Variants in ARMC9 observed in about 807,000 individuals in gnomAD.
ARMC9 encodes the protein armadillo repeat containing 9.
In ARMC9, 94 loss-of-function variants were observed where a neutral mutation model predicts 107.0. The observed-to-expected ratio is 0.88, with a 90% CI of 0.74 to 1.04. The LOEUF is 1.04. Ranked by LOEUF, ARMC9 falls within the 50% of genes least tolerant of loss-of-function variation. ARMC9 has a pLI of 0.00. For synonymous variants in ARMC9, 380 were observed against 396.9 expected (o/e 0.96, Z 0.51); for missense variants, 942 against 1,030.1 (o/e 0.91, Z 1.17).
chr2:231,242,418 G>A (rs759024222), intron 9 of ARMC9, among the ~76,000 whole-genome samples: 11 of 152,172 alleles, frequency 7.2e-5, no homozygotes, highest in Non-Finnish European at 1.6e-4. Flanking sequence ...TGATTTTAGT[G>A]TGCCAAAATC....
intron 21 of ARMC9, among the ~76,000 whole-genome samples, chr2:231,346,280 G>A (rs558601380): frequency 8.5e-5 from 13 of 152,146 alleles, no homozygotes; most frequent in African/African-American, 1.4e-4. Flanking sequence ...CCAGCAGTTC[G>A]GGAGGCTGAG....
At chr2:231,235,118 C>T in intron 7 of ARMC9, 106 bp from the exon 8 acceptor site, 2 of 1,259,106 alleles carry the variant, frequency 1.6e-6, no homozygotes, top group South Asian at 3.2e-5. Context: ...TTTATTGTTA[C>T]AAGAAAACAT....
chr2:231,228,796 CT>C (rs953601649), intron 7 of ARMC9, among the ~76,000 whole-genome samples: 4 of 152,086 alleles, frequency 2.6e-5, no homozygotes, highest in Admixed American at 6.6e-5. Context: ...CTGTTCTGAA[CT>C]AGCCTTTGGA....
rs1222506262 is a variant in ARMC9 at position 231,374,704 on chromosome 2, G to T, written c.*3169G>T. On this transcript the variant is annotated 3_prime_UTR_variant, in exon 25 of 25. Coordinates refer to ENST00000611582, the MANE Select transcript of ARMC9 (RefSeq NM_001352754.2). ...CCCTGTACTTGGATGACCCCACCTG[G>T]CTTGTCTAACCCTAATCCCAGCCCC... is the stretch of plus-strand genomic sequence containing the variant. 1 of 152,118 alleles carries T rather than the reference G, an allele frequency of 6.6e-6. No homozygotes were observed. Among genetic ancestry groups the T allele is most frequent in the African/African-American group, 2.4e-5 (1 of 41,432 alleles). The allele number at this position is 152,118 out of a possible 1,614,324, so 9.4% of individuals were successfully genotyped here. A position where few individuals can be genotyped will look rare whatever the true frequency, so the allele number is the denominator to read the frequency against.
At chr2:231,314,341 G>A (rs1188816687) in intron 19 of ARMC9, among the ~76,000 whole-genome samples, 2 of 152,176 alleles carry the variant, frequency 1.3e-5, no homozygotes, top group African/African-American at 2.4e-5. Flanking sequence ...GCCTCCCAAA[G>A]TGCTGGGATT....
chr2:231,227,378 A>G (rs1297932082), intron 7 of ARMC9, among the ~76,000 whole-genome samples: 1 of 152,320 alleles, frequency 6.6e-6, no homozygotes, highest in Middle Eastern at 3.4e-3. Context: ...GGGGCGCTGT[A>G]CCTCAGTTTT....
Position 231,278,366 on chromosome 2 carries a change from G to A in ARMC9, c.1475-16G>A. On this transcript the variant is annotated splice_polypyrimidine_tract_variant and intron_variant, in intron 15 of 24. Coordinates refer to ENST00000611582, the MANE Select transcript of ARMC9 (RefSeq NM_001352754.2). ...GTTTAGACATGTCATGTTTAGCTTTGATTTGTTTCCCATAGGGAAGAACAT... is the reference window on the plus strand; with the variant it reads ...GTTTAGACATGTCATGTTTAGCTTTAATTTGTTTCCCATAGGGAAGAACAT... 1 of 1,613,632 alleles carries A rather than the reference G, an allele frequency of 6.2e-7. No homozygotes were observed. The highest frequency in any genetic ancestry group is 1.3e-5 in the African/African-American group (1 of 75,030).
rs570558731 is a variant in ARMC9, at chr2:231,210,867, C to T, written c.177+2615C>T. On this transcript the variant is annotated intron_variant, in intron 3 of 24. Transcript: ENST00000611582. Reference sequence around the variant, plus strand: ...TGTGAAACAGATCTCTAGAATTTTTCATCTTACAAACCTGAAACTCTGTCC... The same window carrying T: ...TGTGAAACAGATCTCTAGAATTTTTTATCTTACAAACCTGAAACTCTGTCC... 5.9e-5 allele frequency among the ~76,000 whole-genome samples: 9 copies of T among 152,288 alleles called. No individual in the cohort carries two copies. In the South Asian group the frequency reaches 1.9e-3, roughly 32 times the overall value.
intron 19 of ARMC9, among the ~76,000 whole-genome samples, chr2:231,309,654 C>G (rs1259397187): frequency 6.6e-6 from 1 of 151,952 alleles, no homozygotes; most frequent in Non-Finnish European, 1.5e-5. Context: ...TTCGAGGCAT[C>G]TAGGGCATAG....
intron 21 of ARMC9, among the ~76,000 whole-genome samples, chr2:231,347,168 G>A (rs2044849666): frequency 6.6e-6 from 1 of 152,120 alleles, no homozygotes; most frequent in African/African-American, 2.4e-5. Context: ...ATGTGGGGGT[G>A]GCCCCATCAA....
chr2:231,238,540 A>G (rs1399397398), intron 8 of ARMC9, among the ~76,000 whole-genome samples: 1 of 151,972 alleles, frequency 6.6e-6, no homozygotes, highest in Non-Finnish European at 1.5e-5. Context: ...TTTATTAGAG[A>G]TGGTATTTCA....
intron 2 of ARMC9, among the ~76,000 whole-genome samples, chr2:231,207,356 C>T (rs993559741): frequency 5.3e-5 from 8 of 152,186 alleles, no homozygotes; most frequent in Non-Finnish European, 1.0e-4. Context: ...GATGGGGTCT[C>T]GCTTTGTTGC....
intron 19 of ARMC9, among the ~76,000 whole-genome samples, chr2:231,312,354 T>G (rs1179669322): frequency 6.6e-6 from 1 of 152,224 alleles, no homozygotes; most frequent in Non-Finnish European, 1.5e-5. Flanking sequence ...TCCAGAATTC[T>G]CAGGGCCTCA....
At chr2:231,371,121 TCGGCCAGGAGGAAGG>T (rs2046004370) in intron 24 of ARMC9, 3 of 484,380 alleles carry the variant, frequency 6.2e-6, no homozygotes, top group Non-Finnish European at 8.1e-6. Context: ...CAGGGGAGGC[TCGGCCAGGAGGAAGG>T]TGCCACTGGG....
Position 231,266,648 on chromosome 2 carries a change from A to T in ARMC9, c.1119+4250A>T, listed in dbSNP as rs543158880. Reference sequence around the variant, plus strand: ...GCCCCTGGCAAATTCCCATTCTACTATCTGTCTCTATGATTGTGACTACTC... The same window carrying T: ...GCCCCTGGCAAATTCCCATTCTACTTTCTGTCTCTATGATTGTGACTACTC... On this transcript the variant is annotated intron_variant, in intron 12 of 24. Transcript: ENST00000611582. Among the ~76,000 whole-genome samples, 4 of 152,106 alleles carry T rather than the reference A, an allele frequency of 2.6e-5. 1 individual carries two copies. Among genetic ancestry groups the T allele is most frequent in the Non-Finnish European group, 5.9e-5 (4 of 68,028 alleles).
chr2:231,260,357 T>C (rs1223080502), intron 11 of ARMC9, among the ~76,000 whole-genome samples: 1 of 152,322 alleles, frequency 6.6e-6, no homozygotes, highest in African/African-American at 2.4e-5. Flanking sequence ...TGGACCACAC[T>C]GAGAACTGCT....
At chr2:231,329,601 G>A (rs561768173) in intron 19 of ARMC9, among the ~76,000 whole-genome samples, 9 of 152,260 alleles carry the variant, frequency 5.9e-5, no homozygotes, top group South Asian at 2.1e-4. Flanking sequence ...GAGCCACCGC[G>A]CCCGGCAGAT....
intron 18 of ARMC9, among the ~76,000 whole-genome samples, chr2:231,292,192 G>A (rs918063609): frequency 1.6e-4 from 23 of 148,080 alleles, no homozygotes; most frequent in African/African-American, 5.5e-4. Flanking sequence ...AAAAAGTTCC[G>A]CCAGGTAGTC....
chr2:231,252,670 T>C (rs2037407629), intron 9 of ARMC9, among the ~76,000 whole-genome samples: 1 of 151,764 alleles, frequency 6.6e-6, no homozygotes, highest in Non-Finnish European at 1.5e-5. Context: ...AGGGTCTCAC[T>C]CTGTTGCCCA....
Sources: allele counts gnomAD v4.1 joint callset (sites outside exome capture counted in the v4.1 genomes callset), GRCh38; gene constraint gnomAD v4.1.1; transcripts MANE v1.5; gene names NCBI Gene and HGNC (gene_info 2026-07-23, HGNC 2026-07-21).